The following GRAMD1C variants were observed in gnomAD, a reference collection of about 807,000 sequenced individuals.
GRAMD1C encodes GRAM domain containing 1C, also known as protein Aster-C.
In GRAMD1C, 89 loss-of-function variants were observed where a neutral mutation model predicts 97.8. The ratio of observed to expected loss-of-function variants is 0.91; its 90% confidence interval spans 0.77 to 1.09. GRAMD1C has a LOEUF of 1.09. Among genes scored for constraint, GRAMD1C ranks in the 50% least tolerant of loss-of-function variants. The pLI, the probability that GRAMD1C is intolerant of heterozygous loss-of-function variation, is 0.00. For missense variants in GRAMD1C, 740 were observed against 766.4 expected (o/e 0.97, Z 0.41); for synonymous variants, 256 against 267.0 (o/e 0.96, Z 0.40).
At chr3:113,833,121 T>C (rs1014646850) in intron 1 of GRAMD1C, among the ~76,000 whole-genome samples, 2 of 63,894 alleles carry the variant, frequency 3.1e-5, no homozygotes, top group Non-Finnish European at 6.6e-5. Flanking sequence ...TCTTTCTTTC[T>C]TTTTTTTTTT....
rs552030820 is a variant in GRAMD1C at position 113,876,713 on chromosome 3, T to C, written c.459+453T>C. Among the ~76,000 whole-genome samples the C allele has an allele frequency of 1.6e-3, 251 of 152,240 alleles. 2 individuals carry two copies. The highest frequency in any genetic ancestry group is 0.013 in the South Asian group (63 of 4,820). ...TAATTTTTATTATTCACCTACAATG[T>C]CTGCCATTTCTTAGTGGGGATATAT... On this transcript the variant is annotated intron_variant, in intron 5 of 17. Coordinates refer to ENST00000358160, the MANE Select transcript of GRAMD1C (RefSeq NM_017577.5).
chr3:113,919,325 A>T, intron 10 of GRAMD1C: 1 of 492,704 alleles, frequency 2.0e-6, no homozygotes, highest in Non-Finnish European at 4.1e-6. Context: ...AAGATGGCAA[A>T]GTAGAAAAAC....
intron 2 of GRAMD1C, among the ~76,000 whole-genome samples, chr3:113,850,059 G>A (rs992511562): frequency 6.6e-5 from 10 of 151,602 alleles, no homozygotes; most frequent in Non-Finnish European, 1.2e-4. Context: ...GCGGCTGGCC[G>A]GACGGGGGGC....
chr3:113,871,039 C>T (rs1934791561), intron 3 of GRAMD1C, among the ~76,000 whole-genome samples: 1 of 143,806 alleles, frequency 7.0e-6, no homozygotes, highest in African/African-American at 2.6e-5. Context: ...ATATTAAGTA[C>T]TAAGAAAATA....
At chr3:113,917,413 T>A (rs897658511) in intron 10 of GRAMD1C, among the ~76,000 whole-genome samples, 4 of 151,944 alleles carry the variant, frequency 2.6e-5, no homozygotes, top group African/African-American at 4.8e-5. Flanking sequence ...AACATCTGCC[T>A]CCCAGGTTCA....
upstream of GRAMD1C, among the ~76,000 whole-genome samples, chr3:113,835,686 C>T (rs1056842561): frequency 6.6e-6 from 1 of 152,176 alleles, no homozygotes; most frequent in Non-Finnish European, 1.5e-5. Context: ...GGGAAAAAGG[C>T]AGCAGTCAGT....
chr3:113,910,081 G>T (rs1377982687), intron 9 of GRAMD1C, among the ~76,000 whole-genome samples: 4 of 151,886 alleles, frequency 2.6e-5, no homozygotes. Context: ...TATTCCATAT[G>T]GCATTAAAAA....
chr3:113,942,591 A>G (rs560152209), intron 17 of GRAMD1C, among the ~76,000 whole-genome samples: 2 of 152,306 alleles, frequency 1.3e-5, no homozygotes, highest in East Asian at 3.9e-4. Flanking sequence ...GCTGAGCGGA[A>G]GAGGGATAGG....
At chr3:113,937,151 T>G (rs1009027234) in intron 14 of GRAMD1C, among the ~76,000 whole-genome samples, 1 of 152,238 alleles carries the variant, frequency 6.6e-6, no homozygotes, top group African/African-American at 2.4e-5. Context: ...AGATAACATT[T>G]GACTTTTATT....
intron 2 of GRAMD1C, among the ~76,000 whole-genome samples, chr3:113,863,389 C>A (rs1046910057): frequency 1.9e-4 from 29 of 152,124 alleles, no homozygotes; most frequent in Admixed American, 1.4e-3. Context: ...GCTTTTGTGT[C>A]TGTTCCATTA....
intron 11 of GRAMD1C, among the ~76,000 whole-genome samples, chr3:113,932,356 T>C (rs1232944208): frequency 6.6e-6 from 1 of 152,238 alleles, no homozygotes; most frequent in Non-Finnish European, 1.5e-5. Flanking sequence ...TTGAAAACTT[T>C]GGAAGCCCCC....
rs75516048 is a variant in GRAMD1C at position 113,946,818 on chromosome 3, T to C, written c.*1340T>C. The C allele has an allele frequency of 3.7e-4, 56 of 152,332 alleles. No individual in the cohort carries two copies. Among genetic ancestry groups the C allele is most frequent in the African/African-American group, 1.3e-3 (55 of 41,568 alleles). 9.4% of individuals were successfully genotyped at this position (152,332 alleles called of 1,614,324 possible). A position where few individuals can be genotyped will look rare whatever the true frequency, so the allele number is the denominator to read the frequency against. On this transcript the variant is annotated 3_prime_UTR_variant, in exon 18 of 18. Transcript: ENST00000358160. ...GCCTGTAGAGAATGAAAGTATTGAC[T>C]CCGTTAGAGGGAAAATGGGTTTCTC...
intron 3 of GRAMD1C, among the ~76,000 whole-genome samples, chr3:113,874,247 A>C (rs1934939641): frequency 6.6e-6 from 1 of 152,226 alleles, no homozygotes; most frequent in African/African-American, 2.4e-5. Flanking sequence ...ATAATTTAGC[A>C]GTACAGTTTA....
chr3:113,885,610 G>A (rs1216264399), intron 6 of GRAMD1C: 1 of 1,523,014 alleles, frequency 6.6e-7, no homozygotes. Flanking sequence ...CATTCTGTCC[G>A]GTTTTTTGTA....
At chr3:113,872,917 CA>C (rs1173058062) in intron 3 of GRAMD1C, among the ~76,000 whole-genome samples, 5,413 of 64,390 alleles carry the variant, frequency 0.084, 273 homozygotes, top group African/African-American at 0.21. Context: ...ACTAAAAATA[CA>C]AAAAAAAAAA....
At chr3:113,894,341 T>C (rs1418107744) in intron 6 of GRAMD1C, among the ~76,000 whole-genome samples, 1 of 151,970 alleles carries the variant, frequency 6.6e-6, no homozygotes, top group Non-Finnish European at 1.5e-5. Context: ...TGCAATGGCA[T>C]GATCTCGGCT....
At chr3:113,876,660 A>T (rs975527839) in intron 5 of GRAMD1C, among the ~76,000 whole-genome samples, 6 of 152,238 alleles carry the variant, frequency 3.9e-5, no homozygotes, top group African/African-American at 1.2e-4. Flanking sequence ...TTCTTTTTTT[A>T]AAAAATGGCA....
intron 6 of GRAMD1C, chr3:113,897,534 C>A: frequency 1.0e-6 from 1 of 984,202 alleles, no homozygotes; most frequent in South Asian, 4.7e-5. Context: ...AGTGCTGGTA[C>A]TACAACCAGG....
chr3:113,865,486 T>C (rs1934549684), intron 2 of GRAMD1C, among the ~76,000 whole-genome samples: 1 of 152,230 alleles, frequency 6.6e-6, no homozygotes, highest in Non-Finnish European at 1.5e-5. Flanking sequence ...AGATGGTTTA[T>C]TGAGTTTTAC....
Sources: gnomAD v4.1 joint callset for allele counts (sites outside exome capture counted in the v4.1 genomes callset) on GRCh38, gnomAD v4.1.1 for gene constraint, MANE v1.5 for transcripts, NCBI Gene and HGNC (gene_info 2026-07-23, HGNC 2026-07-21) for gene names.